TBC1D19: variants seen among roughly 807,000 people sequenced by gnomAD.
TBC1D19 encodes the protein TBC1 domain family, member 19.
In TBC1D19, 60 loss-of-function variants were observed where a neutral mutation model predicts 89.0. That is an observed-to-expected ratio of 0.67 (90% CI 0.55 to 0.84). The LOEUF is 0.84. Ranked by LOEUF, TBC1D19 falls within the 40% of genes least tolerant of loss-of-function variation. The probability of loss-of-function intolerance (pLI) is 0.00; values close to 1 mark genes in which losing one functional copy is unlikely to be tolerated. For synonymous variants in TBC1D19, 189 were observed against 199.7 expected (o/e 0.95, Z 0.45); for missense variants, 500 against 610.8 (o/e 0.82, Z 1.91).
At chr4:26,742,632 A>G (rs1316605532) in intron 18 of TBC1D19, 33 bp downstream of exon 18, 2 of 1,569,616 alleles carry the variant, frequency 1.3e-6, no homozygotes, top group East Asian at 2.2e-5. Flanking sequence ...TGAAGAATAG[A>G]TAGTTTCACA....
Position 26,632,354 on chromosome 4 carries a change from T to C in TBC1D19, c.295-4857T>C, listed in dbSNP as rs969458009. On this transcript the variant is annotated intron_variant, in intron 4 of 20. Coordinates refer to ENST00000264866, the MANE Select transcript of TBC1D19 (RefSeq NM_018317.4). ...ATAACATTAAGTGGATTAACACATATTTTATATGTTATATATATTATATAC... is the reference window on the plus strand; with the variant it reads ...ATAACATTAAGTGGATTAACACATACTTTATATGTTATATATATTATATAC... 4.6e-5 allele frequency among the ~76,000 whole-genome samples: 7 copies of C among 151,226 alleles called. No homozygotes were observed. The East Asian group carries it at 1.4e-3, about 29-fold the overall frequency.
the TBC1D19 span, among the ~76,000 whole-genome samples, chr4:26,854,904 C>T: frequency 5.9e-5 from 9 of 152,222 alleles, no homozygotes; most frequent in Admixed American, 1.3e-4. Context: ...CTGCCTGGAG[C>T]GGCAGGTGGC....
rs560470254 is a variant in TBC1D19, at chr4:26,666,317, G to C, written c.592-16G>C. 3 of 1,602,160 alleles carry C rather than the reference G, an allele frequency of 1.9e-6. No individual in the cohort carries two copies. In the African/African-American group the frequency reaches 4.0e-5, roughly 21 times the overall value. The stretch of plus-strand genomic sequence containing the variant: ...AGTCTGAGATCTATGTTAATTCTAC[G>C]TATGTTATTTTTCAGAAAGAATGCT... On this transcript the variant is annotated splice_polypyrimidine_tract_variant and intron_variant, in intron 8 of 20. Transcript: ENST00000264866.
upstream of TBC1D19, among the ~76,000 whole-genome samples, chr4:26,581,529 T>A (rs1739065072): frequency 2.0e-5 from 3 of 152,230 alleles, no homozygotes; most frequent in Non-Finnish European, 4.4e-5. Context: ...TCCAGCTTCA[T>A]GGCCTGCAAA....
chr4:26,807,669 G>T, the TBC1D19 span, among the ~76,000 whole-genome samples: 1 of 152,146 alleles, frequency 6.6e-6, no homozygotes, highest in Non-Finnish European at 1.5e-5. Context: ...GCCCAGGCAC[G>T]AAAGCACCCA....
intron 7 of TBC1D19, among the ~76,000 whole-genome samples, chr4:26,643,648 T>C (rs986837402): frequency 6.6e-6 from 1 of 152,140 alleles, no homozygotes; most frequent in Non-Finnish European, 1.5e-5. Context: ...GTTGGTTTTT[T>C]GAAAAGATCA....
At chr4:26,685,216 T>C (rs998204522) in intron 12 of TBC1D19, among the ~76,000 whole-genome samples, 6 of 152,222 alleles carry the variant, frequency 3.9e-5, no homozygotes, top group South Asian at 2.1e-4. Context: ...TGTTAAGGTG[T>C]GCACAAGAGA....
chr4:26,747,653 GA>G (rs1718724334), intron 18 of TBC1D19, among the ~76,000 whole-genome samples: 1 of 152,172 alleles, frequency 6.6e-6, no homozygotes, highest in African/African-American at 2.4e-5. Context: ...GATGCTAATA[GA>G]TAATACAGAA....
At chr4:26,643,856 G>C (rs954573841) in intron 7 of TBC1D19, among the ~76,000 whole-genome samples, 1 of 151,856 alleles carries the variant, frequency 6.6e-6, no homozygotes, top group Admixed American at 6.6e-5. Context: ...CGACACATAC[G>C]CCCTCCCAAG....
chr4:26,651,719 G>C (rs1281329112), intron 7 of TBC1D19, among the ~76,000 whole-genome samples: 1 of 152,116 alleles, frequency 6.6e-6, no homozygotes, highest in African/African-American at 2.4e-5. Flanking sequence ...TCTCCTGCCT[G>C]ATTGCCATGG....
intron 19 of TBC1D19, among the ~76,000 whole-genome samples, chr4:26,752,012 A>T (rs1387942885): frequency 1.3e-5 from 2 of 152,140 alleles, no homozygotes; most frequent in African/African-American, 2.4e-5. Flanking sequence ...GCCAAGGTTG[A>T]GTATTGGCTT....
intron 1 of TBC1D19, among the ~76,000 whole-genome samples, chr4:26,592,074 A>G (rs868129186): frequency 6.6e-6 from 1 of 152,202 alleles, no homozygotes; most frequent in Non-Finnish European, 1.5e-5. Flanking sequence ...ATGAACATCA[A>G]TGCAAAAATC....
intron 11 of TBC1D19, among the ~76,000 whole-genome samples, chr4:26,677,653 T>C (rs1712957327): frequency 6.6e-6 from 1 of 152,168 alleles, no homozygotes; most frequent in Admixed American, 6.5e-5. Flanking sequence ...TCTTGAATTG[T>C]ACTTATAATT....
At chr4:26,812,762 G>GAT in the TBC1D19 span, among the ~76,000 whole-genome samples, 4 of 150,344 alleles carry the variant, frequency 2.7e-5, no homozygotes, top group Non-Finnish European at 4.4e-5. This position sits in a 1 kb window ranked among gnomAD's most constrained non-coding sequence, Gnocchi z 4.2. Context: ...TTCAAAAAAG[G>GAT]ATATATATAT....
chr4:26,842,320 TTTTTCTTTTC>T, the TBC1D19 span, among the ~76,000 whole-genome samples: 1 of 135,960 alleles, frequency 7.4e-6, no homozygotes. Flanking sequence ...CTTGTTTTCC[TTTTTCTTTTC>T]TTTTCTTTTC....
At chr4:26,709,282 T>A (rs1437294869) in intron 13 of TBC1D19, among the ~76,000 whole-genome samples, 2 of 152,034 alleles carry the variant, frequency 1.3e-5, no homozygotes, top group Non-Finnish European at 2.9e-5. Context: ...AATTTCCCCC[T>A]TATACACAGT....
At position 26,659,771 on chromosome 4, in the gene TBC1D19, A is replaced by G. The variant is rs185374942; in HGVS notation, c.591+64A>G. The G allele has an allele frequency of 3.9e-5, 41 of 1,056,250 alleles. No homozygotes were observed. The East Asian group carries it at 9.2e-4, about 24-fold the overall frequency. The allele number at this position is 1,056,250 out of a possible 1,614,324, so 65.4% of individuals were successfully genotyped here. A position where few individuals can be genotyped will look rare whatever the true frequency, so the allele number is the denominator to read the frequency against. On this transcript the variant is annotated intron_variant, in intron 8 of 20. Transcript: ENST00000264866. ...ATAACCATTAGAAAAATGTTTTAAT[A>G]CAGCATGTATGTAAAGCAATAGGGT... is the stretch of plus-strand genomic sequence containing the variant.
intron 13 of TBC1D19, among the ~76,000 whole-genome samples, chr4:26,715,956 A>G (rs1361244531): frequency 6.6e-6 from 1 of 152,094 alleles, no homozygotes; most frequent in African/African-American, 2.4e-5. Context: ...TCCGCATGCT[A>G]AGTTTCTCAA....
At chr4:26,835,659 C>A in the TBC1D19 span, among the ~76,000 whole-genome samples, 5 of 152,150 alleles carry the variant, frequency 3.3e-5, no homozygotes, top group Non-Finnish European at 7.4e-5. Flanking sequence ...CTAGTCTCAG[C>A]CACTATTCTT....
Sources: gnomAD v4.1 joint callset for allele counts (sites outside exome capture counted in the v4.1 genomes callset) on GRCh38, gnomAD v4.1.1 for gene constraint, Gnocchi (gnomAD v3.1) non-coding constraint, MANE v1.5 for transcripts, NCBI Gene and HGNC (gene_info 2026-07-23, HGNC 2026-07-21) for gene names.